The following CNTNAP5 variants were observed in gnomAD, a reference collection of about 807,000 sequenced individuals.
CNTNAP5 encodes the protein contactin associated protein family member 5.
In CNTNAP5, 72 loss-of-function variants were observed where a neutral mutation model predicts 150.2. The ratio of observed to expected loss-of-function variants is 0.48; its 90% CI spans 0.40 to 0.58. The LOEUF is 0.58. Among genes scored for constraint, CNTNAP5 ranks in the 20% least tolerant of loss-of-function variants. The probability of loss-of-function intolerance (pLI) is 0.00; values close to 1 mark genes in which losing one functional copy is unlikely to be tolerated. For synonymous variants in CNTNAP5, 672 were observed against 619.8 expected, an observed-to-expected ratio of 1.08 and a Z score of -1.25; for missense variants, 1,636 against 1,626.2, an observed-to-expected ratio of 1.01 and a Z score of -0.10.
chr2:124,098,350 G>T (rs1052648699), intron 1 of CNTNAP5, among the ~76,000 whole-genome samples: 3 of 152,180 alleles, frequency 2.0e-5, no homozygotes, highest in African/African-American at 7.2e-5. Flanking sequence ...AATTGGTCTT[G>T]ATATGCAGGG....
chr2:124,814,505 G>A (rs1008799464), intron 19 of CNTNAP5, among the ~76,000 whole-genome samples: 2 of 151,892 alleles, frequency 1.3e-5, no homozygotes, highest in Non-Finnish European at 1.5e-5. Flanking sequence ...GTCTACAGGC[G>A]ATAAATACTC....
chr2:124,635,401 C>G (rs371357943), intron 12 of CNTNAP5, among the ~76,000 whole-genome samples: 2 of 152,200 alleles, frequency 1.3e-5, no homozygotes, highest in African/African-American at 4.8e-5. Flanking sequence ...TTGGAGATGA[C>G]AATTGAACAT....
At position 124,902,269 on chromosome 2, in the gene CNTNAP5, ATGCTGTC is replaced by A. The variant is rs371034812; in HGVS notation, c.3437-605_3437-599del. 2.5e-3 allele frequency among the ~76,000 whole-genome samples: 383 copies of A among 152,258 alleles called. 2 individuals carry two copies. The highest frequency in any genetic ancestry group is 8.8e-3 in the African/African-American group (364 of 41,578). ...TCTCAAAGATACTTTAGGAAGTTGA[ATGCTGTC>A]TGCTGTCATAAAAAACCCATGCACA... On this transcript the variant is annotated intron_variant, in intron 21 of 23. Transcript: ENST00000682447.
chr2:124,905,601 G>A (rs1229322580), intron 22 of CNTNAP5, among the ~76,000 whole-genome samples: 1 of 152,104 alleles, frequency 6.6e-6, no homozygotes, highest in Non-Finnish European at 1.5e-5. Context: ...AAGGTGACAG[G>A]CATGAGATGA....
chr2:124,774,082 T>A (rs1681268808), intron 17 of CNTNAP5, among the ~76,000 whole-genome samples: 1 of 152,070 alleles, frequency 6.6e-6, no homozygotes, highest in South Asian at 2.1e-4. Flanking sequence ...AGAAATATTG[T>A]CAATACTACC....
In CNTNAP5 at chr2:124,647,903, C is replaced by T; in HGVS notation, c.2022C>T (p.His674=). Residue 674 remains histidine, a synonymous_variant, in exon 13 of 24, where the codon CAC becomes CAT. Transcript: ENST00000682447. The part of the protein sequence containing the change: ...QLEAVIDGSE[H]CEQEVAYHCR... ...AGGCCGTGATCGACGGCTCTGAGCA[C>T]TGTGAGCAGGAGGTGGCCTACCACT... 1 of 1,610,900 alleles carries T rather than the reference C, an allele frequency of 6.2e-7. No homozygotes were observed. Among genetic ancestry groups the T allele is most frequent in the South Asian group, 1.1e-5 (1 of 90,398 alleles).
intron 1 of CNTNAP5, among the ~76,000 whole-genome samples, chr2:124,148,002 G>A (rs146498858): frequency 0.015 from 2,313 of 152,298 alleles, 29 homozygotes; most frequent in Non-Finnish European, 0.019. Flanking sequence ...CAGAAGGAAT[G>A]TTTGGTTGAT....
At chr2:124,673,956 T>G (rs1233327564) in intron 13 of CNTNAP5, among the ~76,000 whole-genome samples, 1 of 152,164 alleles carries the variant, frequency 6.6e-6, no homozygotes, top group Admixed American at 6.5e-5. Context: ...AATTTAATTT[T>G]AGAATACTTT....
rs188571443 is a variant in CNTNAP5, at chr2:124,082,831, C to A, written c.82+57099C>A. On this transcript the variant is annotated intron_variant, in intron 1 of 23. Transcript: ENST00000682447. ...TGTTGTCACTATTTTTTACTTTAGA[C>A]ATTCTGATAGCTCTATAGTTACATC... Among the ~76,000 whole-genome samples, 150 of 152,170 alleles carry A rather than the reference C, an allele frequency of 9.9e-4. 1 individual carries two copies. Among genetic ancestry groups the A allele is most frequent in the Non-Finnish European group, 2.0e-3 (135 of 68,014 alleles).
intron 7 of CNTNAP5, among the ~76,000 whole-genome samples, chr2:124,494,180 G>A (rs1694097631): frequency 6.6e-6 from 1 of 151,918 alleles, no homozygotes; most frequent in South Asian, 2.1e-4. Context: ...CATTTGCAAG[G>A]TGGAGACACT....
intron 8 of CNTNAP5, among the ~76,000 whole-genome samples, chr2:124,505,834 G>A (rs760453531): frequency 2.0e-5 from 3 of 152,144 alleles, no homozygotes; most frequent in Non-Finnish European, 4.4e-5. Context: ...CATGCTGATC[G>A]ATGAAGAAGT....
chr2:124,413,903 T>TTA (rs1691845890), intron 3 of CNTNAP5, among the ~76,000 whole-genome samples: 1 of 149,170 alleles, frequency 6.7e-6, no homozygotes, highest in African/African-American at 2.5e-5. Flanking sequence ...ATAAATAAAT[T>TTA]AAAAAAAAAG....
At chr2:124,248,691 C>T (rs1687088808) in intron 3 of CNTNAP5, among the ~76,000 whole-genome samples, 1 of 152,194 alleles carries the variant, frequency 6.6e-6, no homozygotes, top group African/African-American at 2.4e-5. Context: ...AACATGGGGC[C>T]TAACCTCTTT....
At chr2:124,622,478 A>G (rs1041858243) in intron 12 of CNTNAP5, among the ~76,000 whole-genome samples, 1 of 152,242 alleles carries the variant, frequency 6.6e-6, no homozygotes, top group Non-Finnish European at 1.5e-5. Flanking sequence ...TCCTTTGGGT[A>G]TATAACCGGT....
chr2:124,345,967 A>G (rs1195544818), intron 3 of CNTNAP5, among the ~76,000 whole-genome samples: 1 of 152,228 alleles, frequency 6.6e-6, no homozygotes, highest in East Asian at 1.9e-4. Context: ...AGTTACAAAC[A>G]TGTGAATCTA....
intron 3 of CNTNAP5, among the ~76,000 whole-genome samples, chr2:124,263,656 G>C (rs1436220157): frequency 6.6e-6 from 1 of 152,144 alleles, no homozygotes; most frequent in Admixed American, 6.5e-5. Flanking sequence ...AGTTTAATTA[G>C]ATCCCATTTG....
chr2:124,204,660 A>G (rs1685817170), intron 1 of CNTNAP5, among the ~76,000 whole-genome samples: 1 of 152,224 alleles, frequency 6.6e-6, no homozygotes, highest in Non-Finnish European at 1.5e-5. Context: ...GAGCAAAGGT[A>G]CATCTTACAT....
intron 10 of CNTNAP5, among the ~76,000 whole-genome samples, chr2:124,542,712 C>T (rs1016590009): frequency 6.6e-6 from 1 of 152,104 alleles, no homozygotes; most frequent in Admixed American, 6.6e-5. Context: ...TGTTTAGCTC[C>T]CAACCATAGT....
chr2:124,909,808 A>C, intron 22 of CNTNAP5, among the ~76,000 whole-genome samples: 3 of 114,784 alleles, frequency 2.6e-5, no homozygotes, highest in East Asian at 4.8e-4. Context: ...TTATCACCCC[A>C]TCGTTATCAA....
Sources: allele counts gnomAD v4.1 joint callset (sites outside exome capture counted in the v4.1 genomes callset), GRCh38; gene constraint gnomAD v4.1.1; transcripts MANE v1.5; gene names NCBI Gene and HGNC (gene_info 2026-07-23, HGNC 2026-07-21).